The following EMC7 variants were observed in gnomAD, a reference collection of about 807,000 sequenced individuals.
EMC7 encodes ER membrane protein complex subunit 7.
Under a neutral mutation model 24.4 loss-of-function variants are expected in EMC7, and 4 were observed. The observed-to-expected ratio is 0.16, with a 90% confidence interval of 0.08 to 0.38. The LOEUF (loss-of-function observed/expected upper bound fraction) is 0.38, where lower values mean the gene tolerates loss of function less well. EMC7 is among the 10% of genes least tolerant of loss of function. The pLI, the probability that EMC7 is intolerant of heterozygous loss-of-function variation, is 1.00. For missense variants in EMC7, 221 were observed against 300.6 expected, an observed-to-expected ratio of 0.74 and a Z score of 1.96; for synonymous variants, 106 against 112.0, an observed-to-expected ratio of 0.95 and a Z score of 0.34.
intron 1 of EMC7, among the ~76,000 whole-genome samples, chr15:34,098,472 T>TC (rs1901117694): frequency 6.6e-6 from 1 of 150,758 alleles, no homozygotes; most frequent in African/African-American, 2.4e-5. Flanking sequence ...TTTTTTTTTT[T>TC]TGAGACAGAG....
At chr15:34,100,519 T>C in intron 1 of EMC7, 1 of 152,182 alleles carries the variant, frequency 6.6e-6, no homozygotes, top group East Asian at 1.9e-4. Flanking sequence ...CATTAAAACA[T>C]CATTAATTAG....
intron 1 of EMC7, among the ~76,000 whole-genome samples, chr15:34,098,813 A>C (rs891492264): frequency 1.3e-5 from 2 of 152,084 alleles, no homozygotes; most frequent in African/African-American, 4.8e-5. Flanking sequence ...CCAGAAAAAA[A>C]CAAACTGATG....
At chr15:34,097,247 A>C (rs1263151856) in intron 1 of EMC7, among the ~76,000 whole-genome samples, 6 of 151,906 alleles carry the variant, frequency 3.9e-5, no homozygotes, top group Non-Finnish European at 1.5e-5. Flanking sequence ...GTTAGCCAGA[A>C]TGGTCTCAAT....
chr15:34,096,117 C>T (rs749265813), intron 1 of EMC7, 103 bp from the exon 2 acceptor site: 11 of 1,286,654 alleles, frequency 8.5e-6, no homozygotes, highest in Non-Finnish European at 1.0e-5. Context: ...ACATTAAAAG[C>T]AACGGGCAAA....
intron 1 of EMC7, among the ~76,000 whole-genome samples, chr15:34,097,036 C>CTCCTTTTTTT (rs1901082026): frequency 7.9e-5 from 1 of 12,664 alleles, no homozygotes; most frequent in Non-Finnish European, 1.8e-4. Flanking sequence ...TTCTGTTCTT[C>CTCCTTTTTTT]TTCTTTTTTT....
intron 1 of EMC7, chr15:34,100,555 G>T (rs1012779631): frequency 1.3e-5 from 2 of 152,114 alleles, no homozygotes; most frequent in African/African-American, 4.8e-5. Flanking sequence ...ATGCCCTAAT[G>T]CCAGATTCTT....
intron 1 of EMC7, among the ~76,000 whole-genome samples, chr15:34,098,445 ATTTC>A (rs1296017831): frequency 3.5e-5 from 5 of 141,890 alleles, no homozygotes; most frequent in Non-Finnish European, 7.5e-5. Flanking sequence ...GACTGAACCA[ATTTC>A]TTTCTTTCTT....
chr15:34,089,809 AGCCGGGCG>A (rs1900951379), intron 3 of EMC7, among the ~76,000 whole-genome samples: 1 of 152,324 alleles, frequency 6.6e-6, no homozygotes, highest in East Asian at 1.9e-4. Flanking sequence ...ATACAAAATT[AGCCGGGCG>A]TGGTGGCACA....
chr15:34,093,827 T>A (rs78970452), intron 2 of EMC7, among the ~76,000 whole-genome samples: 1,534 of 15,404 alleles, frequency 0.1, 38 homozygotes, highest in South Asian at 0.21. Flanking sequence ...ATATATATTT[T>A]TTTTTTTTTT....
chr15:34,090,851 A>C (rs1900965017), intron 2 of EMC7, among the ~76,000 whole-genome samples: 1 of 152,098 alleles, frequency 6.6e-6, no homozygotes, highest in South Asian at 2.1e-4. Context: ...TATTTTTTTG[A>C]TGGTCTAAGA....
chr15:34,101,123 G>C (rs1283264831), intron 1 of EMC7: 1 of 152,670 alleles, frequency 6.6e-6, no homozygotes, highest in Non-Finnish European at 1.5e-5. Context: ...AGTAACATTA[G>C]CCTCCCAGTC....
intron 1 of EMC7, among the ~76,000 whole-genome samples, chr15:34,098,622 ATT>A (rs34981831): frequency 0.29 from 37,112 of 127,938 alleles, 5,301 homozygotes; most frequent in African/African-American, 0.41. Flanking sequence ...TGCCTGGCTG[ATT>A]TTTTTTTTTT....
chr15:34,090,437 G>A lies in EMC7; in HGVS notation c.375C>T (p.Tyr125=), dbSNP rs763784272. 14 of 1,613,376 alleles carry A rather than the reference G, an allele frequency of 8.7e-6. No homozygotes were observed. The South Asian group carries it at 1.1e-4, about 13-fold the overall frequency. The change falls in exon 3 of 5, where the codon TAC becomes TAT. Residue 125 remains tyrosine, a synonymous_variant. Coordinates refer to ENST00000256545, the MANE Select transcript of EMC7 (RefSeq NM_020154.3). ...KGKMRARYVN[Y]IKTSEVVRLP... ...GTCTGACAACCTCTGATGTTTTGAT[G>A]TAATTCACATATCTTGCTCTGATAA...
intron 4 of EMC7, among the ~76,000 whole-genome samples, chr15:34,087,592 A>G (rs566522500): frequency 3.0e-4 from 46 of 152,350 alleles, no homozygotes; most frequent in African/African-American, 1.1e-3. Flanking sequence ...TCAGCATACC[A>G]GAAGTATTGT....
chr15:34,093,402 A>G (rs908441322), intron 2 of EMC7, among the ~76,000 whole-genome samples: 2 of 151,240 alleles, frequency 1.3e-5, no homozygotes, highest in African/African-American at 4.9e-5. Context: ...ACGCCACTGC[A>G]CTCCAGCCTG....
At position 34,084,189 on chromosome 15, in the gene EMC7, G is replaced by A. The variant is rs1900837377; in HGVS notation, c.*145C>T. 2 of 1,000,428 alleles carry A rather than the reference G, an allele frequency of 2.0e-6. No homozygotes were observed. The highest frequency in any genetic ancestry group is 2.8e-6 in the Non-Finnish European group (2 of 702,196). The allele number at this position is 1,000,428 out of a possible 1,614,324, so 62.0% of individuals were successfully genotyped here. On this transcript the variant is annotated 3_prime_UTR_variant, in exon 5 of 5. Coordinates refer to ENST00000256545, the MANE Select transcript of EMC7 (RefSeq NM_020154.3). Reference sequence around the variant, plus strand: ...TTCTCGTGTACCAAGTACAAAACATGTGCTAAAAAGTTAACATACACAGTT... The same window carrying A: ...TTCTCGTGTACCAAGTACAAAACATATGCTAAAAAGTTAACATACACAGTT...
chr15:34,097,073 G>T (rs1422710207), intron 1 of EMC7, among the ~76,000 whole-genome samples: 4 of 100,068 alleles, frequency 4.0e-5, no homozygotes, highest in Non-Finnish European at 7.5e-5. Context: ...TCACTCTGTT[G>T]CCCAGGCTGG....
In EMC7 at chr15:34,101,861, C is replaced by T; in HGVS notation, c.-22G>A. The stretch of plus-strand genomic sequence containing the variant: ...CCATGACAGCAGCTCTGCACTCAGA[C>T]CGGCAGCCCCGGAAGCCCTCCCAGT... On this transcript the variant is annotated 5_prime_UTR_variant, in exon 1 of 5. Transcript: ENST00000256545. 4.5e-6 allele frequency: 7 copies of T among 1,559,204 alleles called. No homozygotes were observed. The highest frequency in any genetic ancestry group is 1.2e-5 in the South Asian group (1 of 85,424).
In EMC7 at chr15:34,095,890, C is replaced by A; in HGVS notation, c.356+5G>T. On this transcript the variant is annotated splice_donor_5th_base_variant and intron_variant, in intron 2 of 4. Transcript: ENST00000256545. Reference sequence around the variant, plus strand: ...TTTGGCAAAAATTAAATCAGGTGCCCTCACCTCATTTTTCCTTTCGAAGTG... The same window carrying A: ...TTTGGCAAAAATTAAATCAGGTGCCATCACCTCATTTTTCCTTTCGAAGTG... The A allele has an allele frequency of 6.3e-7, 1 of 1,595,946 alleles. No individual in the cohort carries two copies. Among genetic ancestry groups the A allele is most frequent in the Non-Finnish European group, 8.6e-7 (1 of 1,167,216 alleles).
Sources: gnomAD v4.1 joint callset for allele counts (sites outside exome capture counted in the v4.1 genomes callset) on GRCh38, gnomAD v4.1.1 for gene constraint, MANE v1.5 for transcripts, NCBI Gene and HGNC (gene_info 2026-07-23, HGNC 2026-07-21) for gene names.